Variants in ADAMTS17 observed in about 807,000 individuals in gnomAD.
ADAMTS17 encodes the protein A disintegrin and metalloproteinase with thrombospondin motifs 17.
ADAMTS17 carries 113 observed loss-of-function variants against 141.5 expected under a neutral mutation model. That is an observed-to-expected ratio of 0.80 (90% confidence interval 0.69 to 0.93). The LOEUF (loss-of-function observed/expected upper bound fraction) is 0.93, where lower values mean the gene tolerates loss of function less well. ADAMTS17 is among the 40% of genes least tolerant of loss of function. ADAMTS17 has a pLI of 0.00. For missense variants in ADAMTS17, 1,659 were observed against 1,517.9 expected, an observed-to-expected ratio of 1.09 and a Z score of -1.54; for synonymous variants, 768 against 630.6, an observed-to-expected ratio of 1.22 and a Z score of -3.27.
intron 15 of ADAMTS17, among the ~76,000 whole-genome samples, chr15:100,091,076 T>C (rs549293336): frequency 6.8e-6 from 1 of 147,668 alleles, no homozygotes; most frequent in Admixed American, 6.9e-5. Flanking sequence ...GCAGGCCCTC[T>C]GTCCACAAAC....
intron 15 of ADAMTS17, among the ~76,000 whole-genome samples, chr15:100,055,332 G>T (rs1820828119): frequency 6.6e-6 from 1 of 152,202 alleles, no homozygotes; most frequent in Non-Finnish European, 1.5e-5. Flanking sequence ...AGGGGTTTTG[G>T]TTACTGCTGA....
At chr15:100,265,610 C>T (rs542906283) in intron 4 of ADAMTS17, among the ~76,000 whole-genome samples, 3 of 152,292 alleles carry the variant, frequency 2.0e-5, no homozygotes, top group South Asian at 4.1e-4. Context: ...GAGAAGGAGC[C>T]GTGGTTGGAG....
At chr15:100,081,839 C>A (rs2034759692) in intron 15 of ADAMTS17, among the ~76,000 whole-genome samples, 1 of 152,348 alleles carries the variant, frequency 6.6e-6, no homozygotes, top group South Asian at 2.1e-4. Flanking sequence ...GTCCTATACA[C>A]TTATTGACCA....
At chr15:100,329,927 T>G (rs373053907) in intron 3 of ADAMTS17, among the ~76,000 whole-genome samples, 3 of 152,336 alleles carry the variant, frequency 2.0e-5, no homozygotes, top group South Asian at 4.1e-4. Flanking sequence ...CAAGACACAT[T>G]GTTTCCAATG....
intron 3 of ADAMTS17, among the ~76,000 whole-genome samples, chr15:100,294,486 G>C (rs1406291399): frequency 3.3e-5 from 5 of 151,800 alleles, no homozygotes; most frequent in Admixed American, 1.3e-4. Context: ...TGTAACCCCA[G>C]AGCTATGTGA....
rs764944699 is a variant in ADAMTS17, at chr15:100,132,145, C to A, written c.1583G>T (p.Arg528Leu). ...GTECGADKWCRAGECVSKTPI... is the reference protein window; with the variant it reads ...GTECGADKWCLAGECVSKTPI... ...CGTCTTGCTCACGCACTCCCCCGCG[C>A]GGCACCACTGAAACACAGCGGGGAG... The change falls in exon 12 of 22, where the codon CGC (arginine) becomes CTC (leucine). Residue 528 changes from arginine to leucine, a missense_variant. Coordinates refer to ENST00000268070, the MANE Select transcript of ADAMTS17 (RefSeq NM_139057.4). 8 of 1,613,434 alleles carry A rather than the reference C, an allele frequency of 5.0e-6. No homozygotes were observed. The highest frequency in any genetic ancestry group is 5.1e-6 in the Non-Finnish European group (6 of 1,179,930).
chr15:100,072,191 A>G lies in ADAMTS17; in HGVS notation c.2138-18137T>C, dbSNP rs1230813886. ...AGAGAATAAAATACCTAGGAATCCA[A>G]CTTACAAGGGATGTGAAGGACCTCT... is the stretch of plus-strand genomic sequence containing the variant. On this transcript the variant is annotated intron_variant, in intron 15 of 21. Coordinates refer to ENST00000268070, the MANE Select transcript of ADAMTS17 (RefSeq NM_139057.4). Among the ~76,000 whole-genome samples the G allele has an allele frequency of 2.1e-4, 31 of 149,012 alleles. No individual in the cohort carries two copies. In the South Asian group the frequency reaches 6.2e-3, roughly 30 times the overall value.
chr15:100,244,464 G>C (rs118138013), intron 7 of ADAMTS17, among the ~76,000 whole-genome samples: 1 of 151,604 alleles, frequency 6.6e-6, no homozygotes, highest in African/African-American at 2.4e-5. Context: ...TAATTATCAC[G>C]TGTCATGGGA....
At chr15:100,129,379 T>C (rs2037915443) in intron 12 of ADAMTS17, 3 of 152,222 alleles carry the variant, frequency 2.0e-5, no homozygotes, top group Admixed American at 2.0e-4. Flanking sequence ...ACCAAGGACT[T>C]TCTGTGCATT....
intron 18 of ADAMTS17, among the ~76,000 whole-genome samples, chr15:100,003,940 G>T (rs11630930): frequency 0.48 from 72,403 of 150,992 alleles, 18,403 homozygotes; most frequent in Non-Finnish European, 0.57. Context: ...GTGTTTGGAT[G>T]GTGGTGATGG....
intron 8 of ADAMTS17, among the ~76,000 whole-genome samples, chr15:100,162,787 C>T (rs1480927303): frequency 1.4e-5 from 2 of 145,154 alleles, no homozygotes; most frequent in African/African-American, 5.0e-5. Flanking sequence ...TATACATATG[C>T]ACATATACAC....
At chr15:100,091,411 C>T (rs187410404) in intron 15 of ADAMTS17, among the ~76,000 whole-genome samples, 2 of 152,270 alleles carry the variant, frequency 1.3e-5, no homozygotes, top group African/African-American at 2.4e-5. Context: ...GTTACAGGAA[C>T]ATGATTTGGT....
intron 18 of ADAMTS17, among the ~76,000 whole-genome samples, chr15:100,024,443 T>C (rs2573582): frequency 0.17 from 26,161 of 152,110 alleles, 6,447 homozygotes; most frequent in African/African-American, 0.55. Flanking sequence ...GCATACCTGG[T>C]CATTTGGGTA....
intron 15 of ADAMTS17, among the ~76,000 whole-genome samples, chr15:100,083,826 TC>T (rs1429134793): frequency 6.6e-6 from 1 of 151,126 alleles, no homozygotes; most frequent in South Asian, 2.1e-4. Flanking sequence ...ACTTGGCCCT[TC>T]CCCCTCCAGT....
At chr15:100,309,654 T>C (rs2141851460) in intron 3 of ADAMTS17, among the ~76,000 whole-genome samples, 2 of 152,338 alleles carry the variant, frequency 1.3e-5, no homozygotes, top group Middle Eastern at 6.8e-3. Context: ...ACACAAGCCA[T>C]GCCCTTTCTC....
chr15:100,202,852 C>T (rs965073871), intron 7 of ADAMTS17, among the ~76,000 whole-genome samples: 3 of 152,228 alleles, frequency 2.0e-5, no homozygotes, highest in Admixed American at 6.5e-5. Flanking sequence ...TCAGTGCTGA[C>T]ACTGTGGAAC....
At chr15:100,143,603 C>T (rs148378012) in intron 10 of ADAMTS17, among the ~76,000 whole-genome samples, 4 of 152,278 alleles carry the variant, frequency 2.6e-5, no homozygotes, top group Non-Finnish European at 5.9e-5. Context: ...GTTGTTGATG[C>T]CAATTTTTTT....
chr15:100,312,817 C>G (rs7182612), intron 3 of ADAMTS17, among the ~76,000 whole-genome samples: 2,850 of 151,940 alleles, frequency 0.019, 92 homozygotes, highest in African/African-American at 0.065. Flanking sequence ...CTAAGTATAA[C>G]TTTAATGTAC....
intron 7 of ADAMTS17, among the ~76,000 whole-genome samples, chr15:100,247,489 A>C (rs1267809859): frequency 6.6e-6 from 1 of 152,184 alleles, no homozygotes; most frequent in African/African-American, 2.4e-5. Flanking sequence ...CTTGTGACGG[A>C]AATTCCCCAG....
Sources: allele counts gnomAD v4.1 joint callset (sites outside exome capture counted in the v4.1 genomes callset), GRCh38; gene constraint gnomAD v4.1.1; transcripts MANE v1.5; gene names NCBI Gene and HGNC (gene_info 2026-07-23, HGNC 2026-07-21).